Variants in DUSP4 observed in about 807,000 individuals in gnomAD.
DUSP4 encodes dual specificity protein phosphatase 4.
A neutral mutation model predicts 27.2 loss-of-function variants in DUSP4; 12 were observed. The observed-to-expected ratio is 0.44, with a 90% CI of 0.28 to 0.71. The LOEUF (loss-of-function observed/expected upper bound fraction) is 0.71, where lower values mean the gene tolerates loss of function less well. Ranked by LOEUF, DUSP4 falls within the 30% of genes least tolerant of loss-of-function variation. The pLI, the probability that DUSP4 is intolerant of heterozygous loss-of-function variation, is 0.14. For synonymous variants in DUSP4, 257 were observed against 245.2 expected (o/e 1.05, Z -0.45); for missense variants, 448 against 551.3 (o/e 0.81, Z 1.88).
rs559627591 is a variant in DUSP4, at chr8:29,345,651, C to A, written c.433+4195G>T. ...TCGGGAAAGTGGCCACCCTTTCTCTCTCCCTCATTTTTCTGAGCAGTCCAT... is the reference window on the plus strand; with the variant it reads ...TCGGGAAAGTGGCCACCCTTTCTCTATCCCTCATTTTTCTGAGCAGTCCAT... On this transcript the variant is annotated intron_variant, in intron 1 of 3. Coordinates refer to ENST00000240100, the MANE Select transcript of DUSP4 (RefSeq NM_001394.7). 4.6e-4 allele frequency: 682 copies of A among 1,469,738 alleles called. 9 individuals are homozygous for A. The South Asian group carries it at 9.2e-3, about 20-fold the overall frequency. 91.0% of individuals were successfully genotyped at this position (1,469,738 alleles called of 1,614,324 possible). A position where few individuals can be genotyped will look rare whatever the true frequency, so the allele number is the denominator to read the frequency against.
intron 1 of DUSP4, 54 bp from the exon 2 acceptor site, chr8:29,340,297 C>T: frequency 6.5e-7 from 1 of 1,541,548 alleles, no homozygotes; most frequent in Non-Finnish European, 8.7e-7. Flanking sequence ...AGCAGGAAGT[C>T]AGAAAGAACT....
intron 1 of DUSP4, chr8:29,345,476 C>A (rs761802916): frequency 1.2e-6 from 2 of 1,612,286 alleles, no homozygotes; most frequent in Non-Finnish European, 1.7e-6. Flanking sequence ...TCCTCCTGGG[C>A]GATCTGCTAT....
intron 1 of DUSP4, 45 bp downstream of exon 1, chr8:29,349,801 C>T: frequency 1.4e-6 from 2 of 1,454,010 alleles, no homozygotes; most frequent in Non-Finnish European, 1.8e-6. Context: ...GCCAAGACCC[C>T]CTCCATCTCC....
At chr8:29,341,352 AT>A (rs1230494119) in intron 1 of DUSP4, among the ~76,000 whole-genome samples, 1 of 152,144 alleles carries the variant, frequency 6.6e-6, no homozygotes, top group Non-Finnish European at 1.5e-5. Flanking sequence ...ATTGATAGAA[AT>A]TTTCCAATGT....
At chr8:29,344,058 G>A (rs1415764090) in intron 1 of DUSP4, among the ~76,000 whole-genome samples, 1 of 152,222 alleles carries the variant, frequency 6.6e-6, no homozygotes, top group Non-Finnish European at 1.5e-5. Flanking sequence ...CCTAGCAGGT[G>A]TGCAAGGAGA....
intron 1 of DUSP4, chr8:29,348,198 G>A: frequency 1.0e-6 from 1 of 985,650 alleles, no homozygotes; most frequent in Non-Finnish European, 1.2e-6. Flanking sequence ...CCATCGGGGG[G>A]ACTCGAGGGC....
chr8:29,335,468 C>T lies in DUSP4; in HGVS notation c.*1558G>A, dbSNP rs187828370. On this transcript the variant is annotated 3_prime_UTR_variant, in exon 4 of 4. Coordinates refer to ENST00000240100, the MANE Select transcript of DUSP4 (RefSeq NM_001394.7). ...TCCGATGTAAGCAATCCACCATCAG[C>T]TCACTGATGCTCTCTTGCCCTTCCA... 5.9e-4 allele frequency: 90 copies of T among 152,364 alleles called. No homozygotes were observed. The highest frequency in any genetic ancestry group is 2.1e-3 in the African/African-American group (88 of 41,574). 9.4% of individuals were successfully genotyped at this position (152,364 alleles called of 1,614,324 possible).
chr8:29,345,272 T>C, intron 1 of DUSP4: 1 of 1,283,226 alleles, frequency 7.8e-7, no homozygotes, highest in East Asian at 2.6e-5. Context: ...TTGAAGGCCA[T>C]TTGCCTTTGG....
At position 29,350,105 on chromosome 8, in the gene DUSP4, C is replaced by T; in HGVS notation, c.174G>A (p.Ala58=). The T allele has an allele frequency of 1.2e-6, 2 of 1,608,790 alleles. No homozygotes were observed. Among genetic ancestry groups the T allele is most frequent in the Non-Finnish European group, 1.7e-6 (2 of 1,178,914 alleles). The change falls in exon 1 of 4, where the codon GCG becomes GCA. Residue 58 remains alanine (A), a synonymous_variant. Transcript: ENST00000240100. Reference sequence around the variant, plus strand: ...CGTTGACCGAACCTAGGATGTAGCCCGCGCTGTGCGCCAGGAACGGTCTGC... The same window carrying T: ...CGTTGACCGAACCTAGGATGTAGCCTGCGCTGTGCGCCAGGAACGGTCTGC... ...LDCRPFLAHS[A]GYILGSVNVR... is the part of the protein sequence containing the mutation.
At chr8:29,344,790 A>T (rs1442132884) in intron 1 of DUSP4, among the ~76,000 whole-genome samples, 1 of 150,334 alleles carries the variant, frequency 6.7e-6, no homozygotes, top group African/African-American at 2.5e-5. Context: ...GGGATTTGTG[A>T]TGGGGAAGAC....
rs1329754886 is a variant in DUSP4 at position 29,337,177 on chromosome 8, C to T, written c.1034G>A (p.Ser345Asn). Reference sequence around the variant, plus strand: ...CCGCTCCCGCAGGGGTCCCGAGGGGCTAGCAGCCTCCGCAGCACAGGACGT... The same window carrying T: ...CCGCTCCCGCAGGGGTCCCGAGGGGTTAGCAGCCTCCGCAGCACAGGACGT... The part of the protein sequence containing the change: ...LATSCAAEAA[S>N]PSGPLRERGK... The change falls in exon 4 of 4, where the codon AGC (serine) becomes AAC (asparagine). Residue 345 changes from serine to asparagine, a missense_variant. Coordinates refer to ENST00000240100, the MANE Select transcript of DUSP4 (RefSeq NM_001394.7). The surrounding 1 kb of genome is among the most constrained non-coding windows in gnomAD (Gnocchi z 6.4). 1 of 1,612,478 alleles carries T rather than the reference C, an allele frequency of 6.2e-7. No individual in the cohort carries two copies. Among genetic ancestry groups the T allele is most frequent in the South Asian group, 1.1e-5 (1 of 90,928 alleles).
intron 1 of DUSP4, among the ~76,000 whole-genome samples, chr8:29,349,026 C>G (rs1311547011): frequency 1.3e-5 from 2 of 152,224 alleles, no homozygotes; most frequent in African/African-American, 4.8e-5. Flanking sequence ...TTTCCGACTA[C>G]CAAATGTGAC....
At chr8:29,339,943 T>C (rs1817632906) in intron 2 of DUSP4, among the ~76,000 whole-genome samples, 155 bp downstream of exon 2, 1 of 151,578 alleles carries the variant, frequency 6.6e-6, no homozygotes, top group Admixed American at 6.6e-5. Flanking sequence ...GAGGCTGCAG[T>C]AAGCTATGAT....
At position 29,346,105 on chromosome 8, in the gene DUSP4, CAG is replaced by C. The variant is rs1391707236; in HGVS notation, c.433+3739_433+3740del. ...GAGAGAAAAAACAGAAAAATGTCAC[CAG>C]AGTTTCCAGAGCTGTTAATTGTGTT... On this transcript the variant is annotated intron_variant, in intron 1 of 3. Transcript: ENST00000240100. The C allele has an allele frequency of 1.0e-5, 10 of 981,504 alleles. No individual in the cohort carries two copies. The East Asian group carries it at 1.1e-3, about 112-fold the overall frequency. 60.8% of individuals were successfully genotyped at this position (981,504 alleles called of 1,614,324 possible). A position where few individuals can be genotyped will look rare whatever the true frequency, so the allele number is the denominator to read the frequency against.
At chr8:29,345,229 A>G in intron 1 of DUSP4, 1 of 1,023,094 alleles carries the variant, frequency 9.8e-7, no homozygotes, top group South Asian at 1.5e-5. Context: ...CTTGCCAGAA[A>G]AGTCATGCTC....
chr8:29,340,720 T>C (rs937987272), intron 1 of DUSP4, among the ~76,000 whole-genome samples: 1 of 152,106 alleles, frequency 6.6e-6, no homozygotes, highest in Non-Finnish European at 1.5e-5. Flanking sequence ...CTTCTGGATC[T>C]CAGCAATGGA....
chr8:29,342,891 G>A (rs1817674660), intron 1 of DUSP4, among the ~76,000 whole-genome samples: 1 of 152,240 alleles, frequency 6.6e-6, no homozygotes, highest in Non-Finnish European at 1.5e-5. Context: ...AGGTGAGCTG[G>A]GCGCGGTGGC....
chr8:29,339,407 C>G (rs771609107), intron 2 of DUSP4, among the ~76,000 whole-genome samples: 1 of 152,048 alleles, frequency 6.6e-6, no homozygotes. Context: ...TCGGCTGATA[C>G]GTGGGAGCAG....
At chr8:29,343,841 G>A (rs1817689103) in intron 1 of DUSP4, among the ~76,000 whole-genome samples, 1 of 152,190 alleles carries the variant, frequency 6.6e-6, no homozygotes, top group Non-Finnish European at 1.5e-5. Flanking sequence ...AAATTAAAAT[G>A]TGTTTCTTAC....
Sources: gnomAD v4.1 joint callset for allele counts (sites outside exome capture counted in the v4.1 genomes callset) on GRCh38, gnomAD v4.1.1 for gene constraint, Gnocchi (gnomAD v3.1) non-coding constraint, MANE v1.5 for transcripts, NCBI Gene and HGNC (gene_info 2026-07-23, HGNC 2026-07-21) for gene names.